Variants in AGMO observed in about 807,000 individuals in gnomAD.
AGMO encodes alkylglycerol monooxygenase.
Under a neutral mutation model 60.2 loss-of-function variants are expected in AGMO, and 75 were observed. The observed-to-expected ratio is 1.25, with a 90% CI of 1.03 to 1.51. The LOEUF (loss-of-function observed/expected upper bound fraction) is 1.51. Among genes scored for constraint, AGMO ranks in the 40% most tolerant of loss-of-function variants. AGMO has a pLI of 0.00. For synonymous variants in AGMO, 261 were observed against 177.1 expected (o/e 1.47, Z -3.76); for missense variants, 763 against 525.5 (o/e 1.45, Z -4.42).
Position 15,291,103 on chromosome 7 carries a change from A to G in AGMO, c.1263+74411T>C, listed in dbSNP as rs111891993. On this transcript the variant is annotated intron_variant, in intron 12 of 12. Coordinates refer to ENST00000342526, the MANE Select transcript of AGMO (RefSeq NM_001004320.2). ...TACTTAGAATATAATAATATGTGCA[A>G]GTCTGATGATATTTACAATTTCCCT... 5.8e-3 allele frequency among the ~76,000 whole-genome samples: 877 copies of G among 152,290 alleles called. 3 individuals carry two copies. The highest frequency in any genetic ancestry group is 0.018 in the African/African-American group (759 of 41,570).
chr7:15,298,450 A>C (rs899874605), intron 12 of AGMO, among the ~76,000 whole-genome samples: 1 of 152,122 alleles, frequency 6.6e-6, no homozygotes, highest in African/African-American at 2.4e-5. Flanking sequence ...GTTGAAGTGC[A>C]GTGGCACAAT....
intron 3 of AGMO, among the ~76,000 whole-genome samples, chr7:15,464,357 A>C (rs1782223309): frequency 6.6e-6 from 1 of 152,204 alleles, no homozygotes; most frequent in Non-Finnish European, 1.5e-5. Context: ...TAACTTACAG[A>C]TTAAAACATA....
At chr7:15,427,723 T>G (rs978378194) in intron 4 of AGMO, among the ~76,000 whole-genome samples, 1 of 151,780 alleles carries the variant, frequency 6.6e-6, no homozygotes, top group African/African-American at 2.4e-5. Context: ...TAGAGTATTA[T>G]TCTTAAGACA....
chr7:15,432,022 T>A (rs1470101675), intron 3 of AGMO, among the ~76,000 whole-genome samples: 1 of 151,772 alleles, frequency 6.6e-6, no homozygotes, highest in African/African-American at 2.4e-5. Context: ...AATGTCACAT[T>A]ATACTCTATT....
chr7:15,143,547 A>T, the AGMO span, among the ~76,000 whole-genome samples: 1 of 152,346 alleles, frequency 6.6e-6, no homozygotes, highest in East Asian at 1.9e-4. Flanking sequence ...TCAGACAATA[A>T]TAAGTAAATA....
downstream of AGMO, among the ~76,000 whole-genome samples, chr7:15,196,537 A>G (rs1457609805): frequency 1.3e-5 from 2 of 152,234 alleles, no homozygotes; most frequent in South Asian, 2.1e-4. Flanking sequence ...AGGAGGGACA[A>G]GAGAAGTTCT....
At chr7:15,369,253 C>G (rs1783105767) in intron 10 of AGMO, among the ~76,000 whole-genome samples, 1 of 152,066 alleles carries the variant, frequency 6.6e-6, no homozygotes, top group Admixed American at 6.6e-5. Context: ...GCCTGTCCAC[C>G]TACCACAGCC....
intron 12 of AGMO, among the ~76,000 whole-genome samples, chr7:15,290,894 A>T (rs1330896972): frequency 6.6e-6 from 1 of 152,182 alleles, no homozygotes; most frequent in Non-Finnish European, 1.5e-5. Flanking sequence ...ATAGAATTTC[A>T]ATTTATTTTT....
intron 12 of AGMO, among the ~76,000 whole-genome samples, chr7:15,350,935 C>G (rs1328721838): frequency 6.6e-6 from 1 of 152,094 alleles, no homozygotes; most frequent in East Asian, 1.9e-4. Flanking sequence ...TCTCCTTGCT[C>G]TTCTTGTTGT....
intron 3 of AGMO, among the ~76,000 whole-genome samples, chr7:15,540,626 G>A (rs1222252300): frequency 6.6e-6 from 1 of 152,134 alleles, no homozygotes; most frequent in African/African-American, 2.4e-5. Flanking sequence ...GATAAGAGAG[G>A]CAATAAATTA....
intron 12 of AGMO, among the ~76,000 whole-genome samples, chr7:15,275,178 A>T (rs1271210686): frequency 6.6e-6 from 1 of 152,100 alleles, no homozygotes; most frequent in African/African-American, 2.4e-5. Context: ...TAAGGTAGGC[A>T]TTTAACACAA....
At chr7:15,421,392 C>A (rs4613874) in intron 4 of AGMO, among the ~76,000 whole-genome samples, 56,879 of 151,938 alleles carry the variant, frequency 0.37, 10,924 homozygotes, top group Middle Eastern at 0.52. Flanking sequence ...TTTCAAGAAG[C>A]TTGGGCATAA....
chr7:15,356,953 C>CAAAAAAAAA (rs917201250), intron 12 of AGMO, among the ~76,000 whole-genome samples: 4 of 68,916 alleles, frequency 5.8e-5, no homozygotes, highest in Non-Finnish European at 8.6e-5. Flanking sequence ...ACTAAAATTA[C>CAAAAAAAAA]AAAAAAAAAA....
At chr7:15,233,632 G>A (rs1232969181) in intron 12 of AGMO, among the ~76,000 whole-genome samples, 3 of 151,688 alleles carry the variant, frequency 2.0e-5, no homozygotes, top group Non-Finnish European at 4.4e-5. Flanking sequence ...ATGTACTTAA[G>A]CATGAAAAAG....
intron 12 of AGMO, among the ~76,000 whole-genome samples, chr7:15,256,239 C>T (rs988666212): frequency 6.6e-6 from 1 of 152,210 alleles, no homozygotes; most frequent in African/African-American, 2.4e-5. Context: ...TTGTAAAGAA[C>T]ATCTCCATGT....
chr7:15,496,907 T>C (rs1783248640), intron 3 of AGMO, among the ~76,000 whole-genome samples: 2 of 152,160 alleles, frequency 1.3e-5, no homozygotes, highest in South Asian at 4.1e-4. Flanking sequence ...TGAGGTACTT[T>C]AGCAACACCT....
At chr7:15,436,751 G>A (rs958080625) in intron 3 of AGMO, among the ~76,000 whole-genome samples, 1 of 152,022 alleles carries the variant, frequency 6.6e-6, no homozygotes, top group Admixed American at 6.6e-5. Flanking sequence ...TTCCTCTTTT[G>A]GATTTTGTTT....
chr7:15,309,894 G>C (rs967452791), intron 12 of AGMO, among the ~76,000 whole-genome samples: 20 of 152,112 alleles, frequency 1.3e-4, no homozygotes, highest in African/African-American at 3.4e-4. Flanking sequence ...AGGTTCAGCA[G>C]AAGTAAGGTT....
At chr7:15,493,329 CACAAA>C (rs1783120312) in intron 3 of AGMO, among the ~76,000 whole-genome samples, 1 of 67,666 alleles carries the variant, frequency 1.5e-5, no homozygotes, top group Admixed American at 1.8e-4. Flanking sequence ...CGCACAAACA[CACAAA>C]ACACACACAC....
Sources: allele counts gnomAD v4.1 joint callset (sites outside exome capture counted in the v4.1 genomes callset), GRCh38; gene constraint gnomAD v4.1.1; transcripts MANE v1.5; gene names NCBI Gene and HGNC (gene_info 2026-07-23, HGNC 2026-07-21).